The following RNF6 variants were observed in gnomAD, a reference collection of about 807,000 sequenced individuals.
RNF6 encodes E3 ubiquitin-protein ligase RNF6.
In RNF6, 21 loss-of-function variants were observed where a neutral mutation model predicts 50.1. The observed-to-expected ratio is 0.42, with a 90% confidence interval of 0.30 to 0.60. RNF6 has a LOEUF of 0.60. Among genes scored for constraint, RNF6 ranks in the 20% least tolerant of loss-of-function variants. The pLI is 0.20. For missense variants in RNF6, 698 were observed against 838.2 expected, an observed-to-expected ratio of 0.83 and a Z score of 2.07; for synonymous variants, 255 against 291.8, an observed-to-expected ratio of 0.87 and a Z score of 1.29.
rs1355474057 is a variant in RNF6 at position 26,186,484 on chromosome 13, G to T, written n.768+28990C>A. On this transcript the variant is annotated intron_variant and non_coding_transcript_variant, in intron 5 of 5. Coordinates refer to the RNF6 transcript ENST00000468480. The stretch of plus-strand genomic sequence containing the variant: ...CCCGCAGCCAGTCGCGCTACCGACT[G>T]GCAGTCAGCGGAGACGCTTCGGAGC... Among the ~76,000 whole-genome samples, 3 of 152,222 alleles carry T rather than the reference G, an allele frequency of 2.0e-5. No individual in the cohort carries two copies. In the East Asian group the frequency reaches 5.8e-4, roughly 29 times the overall value.
chr13:26,153,333 C>G (rs1353797876), intron 5 of RNF6, among the ~76,000 whole-genome samples: 1 of 152,046 alleles, frequency 6.6e-6, no homozygotes, highest in African/African-American at 2.4e-5. Context: ...CCTGCCTCAG[C>G]CTCCAGAGTA....
At chr13:26,162,995 A>G (rs1872279646) in intron 5 of RNF6, among the ~76,000 whole-genome samples, 1 of 152,208 alleles carries the variant, frequency 6.6e-6, no homozygotes, top group South Asian at 2.1e-4. Flanking sequence ...GAAATCACAC[A>G]CTTATCTCTG....
intron 5 of RNF6, among the ~76,000 whole-genome samples, chr13:26,182,054 G>C (rs1003773927): frequency 4.6e-5 from 7 of 151,994 alleles, no homozygotes; most frequent in Non-Finnish European, 1.0e-4. Flanking sequence ...CTTTTTTAAG[G>C]CTTATTTTAT....
chr13:26,218,015 G>A (rs1566443600), intron 4 of RNF6, among the ~76,000 whole-genome samples: 1 of 152,222 alleles, frequency 6.6e-6, no homozygotes, highest in Non-Finnish European at 1.5e-5. Context: ...AACTGGTTAA[G>A]AGGAACACAA....
intron 5 of RNF6, among the ~76,000 whole-genome samples, chr13:26,154,443 C>A (rs972005476): frequency 3.3e-5 from 5 of 152,192 alleles, no homozygotes; most frequent in Non-Finnish European, 5.9e-5. Flanking sequence ...AGATCAAAGT[C>A]ATGATATCTA....
In RNF6 at chr13:26,214,299, T is replaced by C. The variant is rs1869587827; in HGVS notation, c.1583A>G (p.Asn528Ser). 4 of 1,614,004 alleles carry C rather than the reference T, an allele frequency of 2.5e-6. No individual in the cohort carries two copies. Among genetic ancestry groups the C allele is most frequent in the African/African-American group, 1.3e-5 (1 of 74,918 alleles). ...GGAACCTTCCCTGTGCTGGCTCCTG[T>C]TGTTATCTGTACCTAAGTTACTCAG... Reference protein sequence around the residue: ...SELSNLGTDNNRSQHREGSSQ... With the variant: ...SELSNLGTDNSRSQHREGSSQ... Residue 528 changes from asparagine to serine, a missense_variant, in exon 5 of 5, where the codon AAC becomes AGC. Physicochemically the swap from Asn to Ser is conservative, Grantham distance 46 (BLOSUM62 1). Transcript: ENST00000381588.
intron 5 of RNF6, among the ~76,000 whole-genome samples, chr13:26,153,026 G>A (rs1308803074): frequency 6.6e-6 from 1 of 151,840 alleles, no homozygotes; most frequent in African/African-American, 2.4e-5. Flanking sequence ...GGTGGCACTC[G>A]CCTGTAGTCC....
At chr13:26,192,665 T>G (rs191996930) in intron 5 of RNF6, among the ~76,000 whole-genome samples, 1 of 152,352 alleles carries the variant, frequency 6.6e-6, no homozygotes, top group Admixed American at 6.5e-5. Flanking sequence ...GAAAGGCCCA[T>G]GTGGCAAGGA....
intron 5 of RNF6, among the ~76,000 whole-genome samples, chr13:26,152,425 T>G (rs966055550): frequency 6.6e-6 from 1 of 152,330 alleles, no homozygotes; most frequent in Admixed American, 6.5e-5. Context: ...CTCTTTTCAG[T>G]AGCTTTTTCT....
chr13:26,222,571 T>C, upstream of RNF6: 1 of 152,318 alleles, frequency 6.6e-6, no homozygotes, highest in Non-Finnish European at 1.5e-5. Flanking sequence ...CTTCCGGGTG[T>C]AACGTACTAC....
chr13:26,160,386 A>G, intron 5 of RNF6, among the ~76,000 whole-genome samples: 1 of 151,922 alleles, frequency 6.6e-6, no homozygotes, highest in African/African-American at 2.4e-5. Flanking sequence ...ATTTTCTTCT[A>G]CTACCTATTT....
At chr13:26,147,096 C>T (rs547869722) in intron 5 of RNF6, among the ~76,000 whole-genome samples, 9 of 152,204 alleles carry the variant, frequency 5.9e-5, no homozygotes, top group African/African-American at 1.9e-4. Context: ...GGGCCCATAT[C>T]AATCAATTCA....
At chr13:26,153,494 AGCC>A (rs1284031245) in intron 5 of RNF6, among the ~76,000 whole-genome samples, 2 of 152,142 alleles carry the variant, frequency 1.3e-5, no homozygotes, top group African/African-American at 4.8e-5. Context: ...TTCAGGCATG[AGCC>A]ACCGCACCCA....
intron 5 of RNF6, among the ~76,000 whole-genome samples, chr13:26,173,196 T>C (rs7997304): frequency 0.13 from 19,068 of 152,228 alleles, 1,462 homozygotes; most frequent in Admixed American, 0.2. Context: ...GCCCCACAGT[T>C]CAGTACCTCC....
intron 5 of RNF6, among the ~76,000 whole-genome samples, chr13:26,175,168 C>A (rs552930425): frequency 6.6e-6 from 1 of 152,132 alleles, no homozygotes; most frequent in Non-Finnish European, 1.5e-5. Context: ...GCAACCTCCA[C>A]CTCCCAGGTT....
chr13:26,170,251 AAG>A (rs1181639737), intron 5 of RNF6, among the ~76,000 whole-genome samples: 1 of 152,124 alleles, frequency 6.6e-6, no homozygotes, highest in East Asian at 1.9e-4. Flanking sequence ...AAAAAAAAAA[AAG>A]CTTTGAAGAG....
chr13:26,173,176 G>A (rs1402446581), intron 5 of RNF6, among the ~76,000 whole-genome samples: 1 of 152,218 alleles, frequency 6.6e-6, no homozygotes, highest in Admixed American at 6.5e-5. Flanking sequence ...AGCAAGTTTA[G>A]GCTGTGCATG....
chr13:26,142,136 A>C (rs1870989106), intron 5 of RNF6, among the ~76,000 whole-genome samples: 1 of 152,192 alleles, frequency 6.6e-6, no homozygotes, highest in Admixed American at 6.5e-5. Context: ...AATACTCAAC[A>C]TCACTAATGA....
At chr13:26,198,114 ATGTG>A (rs1185226708) in intron 5 of RNF6, among the ~76,000 whole-genome samples, 10 of 59,956 alleles carry the variant, frequency 1.7e-4, no homozygotes, top group African/African-American at 5.8e-4. Flanking sequence ...ACGAAAGTAT[ATGTG>A]TGTGTGTGTG....
Sources: allele counts gnomAD v4.1 joint callset (sites outside exome capture counted in the v4.1 genomes callset), GRCh38; gene constraint gnomAD v4.1.1; transcripts MANE v1.5; gene names NCBI Gene and HGNC (gene_info 2026-07-23, HGNC 2026-07-21).